DLC1: variants seen among roughly 807,000 people sequenced by gnomAD.
DLC1 encodes the protein DLC1 Rho GTPase activating protein.
In DLC1, 54 loss-of-function variants were observed where a neutral mutation model predicts 140.3. The observed-to-expected ratio is 0.38, with a 90% CI of 0.31 to 0.48. DLC1 has a LOEUF of 0.48. Among genes scored for constraint, DLC1 ranks in the 20% least tolerant of loss-of-function variants. DLC1 has a pLI of 0.96. For synonymous variants in DLC1, 986 were observed against 728.1 expected (o/e 1.35, Z -5.70); for missense variants, 2,536 against 1,907.0 (o/e 1.33, Z -6.14).
chr8:13,099,274 C>T, intron 9 of DLC1, 73 bp downstream of exon 9: 3 of 1,526,360 alleles, frequency 2.0e-6, no homozygotes, highest in Non-Finnish European at 2.6e-6. Flanking sequence ...CATTTCTTCC[C>T]ACAGAACAAG....
intron 2 of DLC1, among the ~76,000 whole-genome samples, chr8:13,464,314 T>C (rs1466927330): frequency 2.0e-5 from 3 of 152,198 alleles, no homozygotes; most frequent in African/African-American, 4.8e-5. Flanking sequence ...CATTCATGTA[T>C]CCTCTTGACC....
chr8:13,545,078 A>G (rs554584364), intron 1 of DLC1, among the ~76,000 whole-genome samples: 2 of 152,284 alleles, frequency 1.3e-5, no homozygotes, highest in African/African-American at 4.8e-5. Flanking sequence ...GGCACATAGT[A>G]GGCATTTAAT....
chr8:13,275,779 G>T (rs1831137759), intron 5 of DLC1, among the ~76,000 whole-genome samples: 1 of 152,148 alleles, frequency 6.6e-6, no homozygotes, highest in Non-Finnish European at 1.5e-5. Context: ...ATACCAGCAG[G>T]CTTTCACTGG....
chr8:13,224,405 G>C (rs1050338628), intron 5 of DLC1, among the ~76,000 whole-genome samples: 2 of 152,160 alleles, frequency 1.3e-5, no homozygotes, highest in Non-Finnish European at 2.9e-5. Context: ...AGTCTCAACT[G>C]TTTATTAAGG....
chr8:13,423,330 T>C (rs1376051280), intron 2 of DLC1, among the ~76,000 whole-genome samples: 1 of 152,188 alleles, frequency 6.6e-6, no homozygotes, highest in Non-Finnish European at 1.5e-5. Context: ...CACAGGGCCA[T>C]CTTTGCAGGA....
At chr8:13,393,288 C>G (rs1055243577) in intron 4 of DLC1, among the ~76,000 whole-genome samples, 2 of 149,540 alleles carry the variant, frequency 1.3e-5, no homozygotes, top group African/African-American at 4.9e-5. Flanking sequence ...CTCTTTAAAG[C>G]TCTGAGTATC....
intron 1 of DLC1, among the ~76,000 whole-genome samples, chr8:13,527,593 AC>A (rs1294113163): frequency 1.3e-5 from 2 of 152,096 alleles, no homozygotes; most frequent in Non-Finnish European, 2.9e-5. Context: ...TGGTTGGAGA[AC>A]CTACTATGGA....
At chr8:13,128,183 T>G (rs1240078706) in intron 5 of DLC1, among the ~76,000 whole-genome samples, 1 of 152,238 alleles carries the variant, frequency 6.6e-6, no homozygotes, top group Non-Finnish European at 1.5e-5. Context: ...CTTTATTTCC[T>G]TATAGGCAGG....
intron 1 of DLC1, among the ~76,000 whole-genome samples, chr8:13,543,355 C>CTAAT (rs1803548767): frequency 6.6e-6 from 1 of 152,028 alleles, no homozygotes; most frequent in African/African-American, 2.4e-5. Context: ...TAGTTTAGAC[C>CTAAT]TAATAGCTAG....
chr8:13,551,442 G>A (rs1043092691), intron 1 of DLC1, among the ~76,000 whole-genome samples: 1 of 151,922 alleles, frequency 6.6e-6, no homozygotes, highest in African/African-American at 2.4e-5. Context: ...CTAAGAACGA[G>A]TCTATGGGTT....
At chr8:13,297,243 T>C (rs1399253961) in intron 5 of DLC1, among the ~76,000 whole-genome samples, 2 of 95,794 alleles carry the variant, frequency 2.1e-5, no homozygotes, top group East Asian at 6.7e-4. Flanking sequence ...CTAAATTCTT[T>C]CCTCATAAAG....
chr8:13,588,077 T>C (rs1805391863), intron 1 of DLC1, among the ~76,000 whole-genome samples: 1 of 152,098 alleles, frequency 6.6e-6, no homozygotes, highest in South Asian at 2.1e-4. Flanking sequence ...AGTCAGACAG[T>C]CTTCAGTTCC....
At chr8:13,559,191 T>C (rs933634244) in intron 1 of DLC1, 2 of 152,234 alleles carry the variant, frequency 1.3e-5, no homozygotes, top group African/African-American at 4.8e-5. Context: ...GCTATCATAG[T>C]GCATACCTCT....
intron 2 of DLC1, among the ~76,000 whole-genome samples, chr8:13,404,057 T>C (rs1837419702): frequency 6.6e-6 from 1 of 152,128 alleles, no homozygotes. Context: ...GTTTTGGTCT[T>C]GTTATGCTGA....
intron 4 of DLC1, among the ~76,000 whole-genome samples, chr8:13,384,083 G>A (rs1205299338): frequency 6.6e-6 from 1 of 152,168 alleles, no homozygotes; most frequent in Non-Finnish European, 1.5e-5. Flanking sequence ...TCTTTCATGA[G>A]GTTGCGTTAT....
intron 4 of DLC1, among the ~76,000 whole-genome samples, chr8:13,325,791 A>G (rs181254726): frequency 7.8e-4 from 119 of 152,328 alleles, no homozygotes; most frequent in African/African-American, 2.7e-3. Flanking sequence ...AGGTTAAAAC[A>G]TGTAGCGCTT....
chr8:13,593,319 A>G (rs1805580900), intron 1 of DLC1, among the ~76,000 whole-genome samples: 1 of 152,128 alleles, frequency 6.6e-6, no homozygotes, highest in African/African-American at 2.4e-5. Context: ...TGTGCTAGCC[A>G]TTGGTTTTGT....
At chr8:13,188,834 TATATA>T in intron 5 of DLC1, among the ~76,000 whole-genome samples, 1 of 29,552 alleles carries the variant, frequency 3.4e-5, no homozygotes, top group African/African-American at 1.0e-4. Flanking sequence ...TATGTATATA[TATATA>T]TATATTTTTT....
At chr8:13,444,272 G>A (rs1585118405) in intron 2 of DLC1, among the ~76,000 whole-genome samples, 1 of 152,096 alleles carries the variant, frequency 6.6e-6, no homozygotes, top group East Asian at 1.9e-4. Context: ...GACACAGGGT[G>A]GGGAACATCA....
Sources: allele counts gnomAD v4.1 joint callset (sites outside exome capture counted in the v4.1 genomes callset), GRCh38; gene constraint gnomAD v4.1.1; transcripts MANE v1.5; gene names NCBI Gene and HGNC (gene_info 2026-07-23, HGNC 2026-07-21).